MRPS35: variants seen among roughly 807,000 people sequenced by gnomAD.
The protein encoded by MRPS35 is mitochondrial ribosomal protein S35, also known as small ribosomal subunit protein mS35.
Under a neutral mutation model 32.7 loss-of-function variants are expected in MRPS35, and 29 were observed. The ratio of observed to expected loss-of-function variants is 0.89; its 90% CI spans 0.66 to 1.21. The LOEUF is 1.21. Ranked by LOEUF, MRPS35 falls within the 50% of genes most tolerant of loss-of-function variation. The pLI is 0.00. For missense variants in MRPS35, 373 were observed against 383.8 expected, an observed-to-expected ratio of 0.97 and a Z score of 0.23; for synonymous variants, 148 against 139.3, an observed-to-expected ratio of 1.06 and a Z score of -0.44.
At chr12:27,722,029 TAAAAA>T (rs1342515579) in intron 4 of MRPS35, among the ~76,000 whole-genome samples, 2 of 151,618 alleles carry the variant, frequency 1.3e-5, no homozygotes, top group African/African-American at 4.9e-5. Flanking sequence ...CAAAAAAACA[TAAAAA>T]TAAAAAAGTT....
At chr12:27,753,181 G>A (rs1386982180) in intron 7 of MRPS35, among the ~76,000 whole-genome samples, 1 of 152,124 alleles carries the variant, frequency 6.6e-6, no homozygotes, top group East Asian at 1.9e-4. Flanking sequence ...TGCAGGAATT[G>A]TAAGTGCAAA....
intron 7 of MRPS35, among the ~76,000 whole-genome samples, chr12:27,747,538 G>C (rs2061985452): frequency 6.6e-6 from 1 of 152,088 alleles, no homozygotes; most frequent in African/African-American, 2.4e-5. Context: ...ATGAATATTT[G>C]CCTCTTCGTA....
chr12:27,718,803 C>T (rs914469918), intron 3 of MRPS35, among the ~76,000 whole-genome samples: 9 of 152,174 alleles, frequency 5.9e-5, no homozygotes, highest in Non-Finnish European at 1.2e-4. Context: ...GATCCATATC[C>T]TGGCCGGGCA....
At position 27,730,903 on chromosome 12, in the gene MRPS35, G is replaced by C. The variant is rs114161938; in HGVS notation, c.523-4544G>C. On this transcript the variant is annotated intron_variant, in intron 5 of 7. Coordinates refer to ENST00000081029, the MANE Select transcript of MRPS35 (RefSeq NM_021821.4). ...CTTTAGAAGAAAGTTACTATGCAGAGCCCACACTTAAGGATCAGGAGGTAT... is the reference window on the plus strand; with the variant it reads ...CTTTAGAAGAAAGTTACTATGCAGACCCCACACTTAAGGATCAGGAGGTAT... Among the ~76,000 whole-genome samples, 643 of 152,244 alleles carry C rather than the reference G, an allele frequency of 4.2e-3. 5 individuals are homozygous for C. The highest frequency in any genetic ancestry group is 0.015 in the African/African-American group (627 of 41,524).
At chr12:27,749,151 TCTA>T (rs2061991967) in intron 7 of MRPS35, among the ~76,000 whole-genome samples, 1 of 152,094 alleles carries the variant, frequency 6.6e-6, no homozygotes, top group Non-Finnish European at 1.5e-5. Context: ...TTTTTTTTCT[TCTA>T]CTTTTTAGTA....
intron 6 of MRPS35, among the ~76,000 whole-genome samples, chr12:27,736,244 C>T (rs969868663): frequency 3.3e-5 from 5 of 152,060 alleles, no homozygotes; most frequent in South Asian, 4.1e-4. Flanking sequence ...GTGTCAGTAT[C>T]GATTAGGTCT....
chr12:27,755,401 C>A lies in MRPS35; in HGVS notation c.923C>A (p.Ser308Tyr). Residue 308 changes from serine to tyrosine, a missense_variant, in exon 8 of 8, where the codon TCC becomes TAC. Coordinates refer to ENST00000081029, the MANE Select transcript of MRPS35 (RefSeq NM_021821.4). Reference protein sequence around the residue: ...SLKNEEENENSISQYKESVKR... With the variant: ...SLKNEEENENYISQYKESVKR... The stretch of plus-strand genomic sequence containing the variant: ...AAAAATGAGGAGGAAAATGAAAATT[C>A]CATTTCTCAGTACAAAGAATCCGTG... The A allele has an allele frequency of 6.3e-7, 1 of 1,597,316 alleles. No individual in the cohort carries two copies. Among genetic ancestry groups the A allele is most frequent in the South Asian group, 1.2e-5 (1 of 85,782 alleles).
At chr12:27,717,763 AT>A (rs1368669582) in intron 3 of MRPS35, among the ~76,000 whole-genome samples, 2 of 152,334 alleles carry the variant, frequency 1.3e-5, no homozygotes, top group African/African-American at 4.8e-5. Flanking sequence ...ATTTGCAATA[AT>A]GCTAATGGTT....
At chr12:27,712,160 A>C (rs982331771) in intron 1 of MRPS35, among the ~76,000 whole-genome samples, 1 of 152,144 alleles carries the variant, frequency 6.6e-6, no homozygotes, top group Admixed American at 6.6e-5. Context: ...ATATGGGGAA[A>C]GAGCCTTTGG....
intron 5 of MRPS35, among the ~76,000 whole-genome samples, chr12:27,729,678 T>A (rs1302604203): frequency 6.6e-6 from 1 of 152,184 alleles, no homozygotes; most frequent in Non-Finnish European, 1.5e-5. Context: ...AATATACTGA[T>A]GCATTTCTGA....
intron 5 of MRPS35, 65 bp downstream of exon 5, chr12:27,724,251 C>A: frequency 7.3e-7 from 1 of 1,360,818 alleles, no homozygotes; most frequent in Non-Finnish European, 9.6e-7. Flanking sequence ...TTAAAGATGT[C>A]TTTGGTGGCT....
intron 7 of MRPS35, among the ~76,000 whole-genome samples, chr12:27,739,562 A>T (rs1029624001): frequency 1.3e-5 from 2 of 152,238 alleles, no homozygotes; most frequent in African/African-American, 4.8e-5. Context: ...ATTATAATTT[A>T]TCTGGATTTT....
chr12:27,722,554 C>T (rs1312015944), intron 4 of MRPS35, among the ~76,000 whole-genome samples: 2 of 151,784 alleles, frequency 1.3e-5, no homozygotes, highest in Admixed American at 6.6e-5. Flanking sequence ...CAGTGCAAAC[C>T]CAAGAGCTCA....
chr12:27,752,792 T>C (rs1225595941), intron 7 of MRPS35: 1 of 151,976 alleles, frequency 6.6e-6, no homozygotes, highest in Non-Finnish European at 1.5e-5. Context: ...ATTTTGCCAA[T>C]TTTTTTTAAT....
chr12:27,718,145 C>A (rs983637057), intron 3 of MRPS35, among the ~76,000 whole-genome samples: 5 of 152,138 alleles, frequency 3.3e-5, no homozygotes, highest in African/African-American at 1.2e-4. Flanking sequence ...TATTTTCTGG[C>A]CAGGTGTGGT....
Position 27,716,457 on chromosome 12 carries a change from AG to A in MRPS35, c.321+1del. 1.2e-6 allele frequency: 2 copies of A among 1,614,064 alleles called. No homozygotes were observed. The highest frequency in any genetic ancestry group is 1.7e-6 in the Non-Finnish European group (2 of 1,179,992). The stretch of plus-strand genomic sequence containing the variant: ...AAGGAGGGAAATCTAGAACTTTTAA[AG>A]GTAAGACAAATTGCTGATTCATTGG... ...MAKEGNLELLKIPNFLHLTPV... is the reference protein window; with the variant it reads ...MAKEGNLELLXIPNFLHLTPV... On this transcript the variant is annotated frameshift_variant and splice_region_variant, in exon 3 of 8. Transcript: ENST00000081029. LOFTEE classifies it high-confidence loss of function.
intron 1 of MRPS35, 48 bp downstream of exon 1, chr12:27,711,003 C>T (rs1013655614): frequency 9.1e-6 from 14 of 1,540,118 alleles, no homozygotes; most frequent in African/African-American, 2.7e-5. Context: ...GGTGCAAGAG[C>T]GGAATACCGG....
intron 6 of MRPS35, among the ~76,000 whole-genome samples, chr12:27,737,147 A>AT (rs1436290070): frequency 6.6e-6 from 1 of 152,232 alleles, no homozygotes; most frequent in Non-Finnish European, 1.5e-5. Flanking sequence ...GATTACAGGC[A>AT]TGAGGTACAT....
At chr12:27,745,209 G>T (rs1324713993) in intron 7 of MRPS35, among the ~76,000 whole-genome samples, 1 of 152,026 alleles carries the variant, frequency 6.6e-6, no homozygotes, top group Admixed American at 6.6e-5. Context: ...TTAAATTAGG[G>T]CTAACTTTGA....
Sources: allele counts gnomAD v4.1 joint callset (sites outside exome capture counted in the v4.1 genomes callset), GRCh38; gene constraint gnomAD v4.1.1; transcripts MANE v1.5; gene names NCBI Gene and HGNC (gene_info 2026-07-23, HGNC 2026-07-21).